Variants in CNBD2 observed in about 807,000 individuals in gnomAD.
CNBD2 encodes cyclic nucleotide-binding domain-containing protein 2.
CNBD2 carries 64 observed loss-of-function variants against 63.7 expected under a neutral mutation model. The ratio of observed to expected loss-of-function variants is 1.00; its 90% CI spans 0.82 to 1.24. CNBD2 has a LOEUF of 1.24. Among genes scored for constraint, CNBD2 ranks in the 50% most tolerant of loss-of-function variants. CNBD2 has a pLI of 0.00. For synonymous variants in CNBD2, 229 were observed against 255.4 expected (o/e 0.90, Z 0.99); for missense variants, 691 against 713.5 (o/e 0.97, Z 0.36).
intron 2 of CNBD2, among the ~76,000 whole-genome samples, chr20:35,975,456 A>T (rs1285808328): frequency 1.0e-5 from 1 of 96,022 alleles, no homozygotes; most frequent in African/African-American, 4.6e-5. Context: ...GCCCGCTACC[A>T]CGCCCGGCTA....
rs770852838 is a variant in CNBD2 at position 35,995,056 on chromosome 20, C to A, written c.874C>A (p.Arg292=). ...FISKGSCEVL[R]LLDLGASPSY... ...TGTTCAGGGCAGCTGTGAAGTCCTG[C>A]GGCTGTTGGACCTTGGGGCCTCCCC... The change falls in exon 8 of 12, where the codon CGG becomes AGG. Residue 292 remains arginine, a synonymous_variant. Transcript: ENST00000373973. 1.8e-5 allele frequency: 29 copies of A among 1,613,856 alleles called. No homozygotes were observed. Among genetic ancestry groups the A allele is most frequent in the Non-Finnish European group, 2.5e-5 (29 of 1,179,854 alleles).
chr20:35,957,675 T>C (rs2056270438), downstream of CNBD2: 1 of 152,250 alleles, frequency 6.6e-6, no homozygotes, highest in Non-Finnish European at 1.5e-5. Context: ...AGTCCCAGAT[T>C]AAGCTTAAAA....
At chr20:35,990,385 C>G (rs1037549473) in intron 7 of CNBD2, among the ~76,000 whole-genome samples, 1 of 152,230 alleles carries the variant, frequency 6.6e-6, no homozygotes, top group African/African-American at 2.4e-5. Flanking sequence ...AATCCTAGCA[C>G]TTTGGAAGGC....
chr20:36,023,849 A>T, intron 11 of CNBD2, 78 bp downstream of exon 11: 1 of 1,277,398 alleles, frequency 7.8e-7, no homozygotes, highest in South Asian at 1.5e-5. Context: ...AAAAGAAGGA[A>T]AAATATAATA....
At chr20:36,007,950 C>T (rs1188761024) in intron 8 of CNBD2, among the ~76,000 whole-genome samples, 3 of 152,052 alleles carry the variant, frequency 2.0e-5, no homozygotes, top group East Asian at 1.9e-4. Context: ...GTTTGAAGGC[C>T]GGGATAAATA....
At position 35,995,080 on chromosome 20, in the gene CNBD2, C is replaced by T; in HGVS notation, c.898C>T (p.Pro300Ser). The T allele has an allele frequency of 6.2e-7, 1 of 1,614,112 alleles. No homozygotes were observed. ...GCGGCTGTTGGACCTTGGGGCCTCC[C>T]CTTCCTACCGTAGATGGATCTGGCA... ...VLRLLDLGAS[P>S]SYRRWIWQHL... Residue 300 changes from proline to serine, a missense_variant, in exon 8 of 12, where the codon CCT becomes TCT. Transcript: ENST00000373973.
chr20:35,996,630 C>A (rs562748493), intron 8 of CNBD2, among the ~76,000 whole-genome samples: 8 of 151,682 alleles, frequency 5.3e-5, no homozygotes, highest in Non-Finnish European at 8.8e-5. Context: ...GCCTCAGCAT[C>A]CCGAGCAGCT....
rs971399461 is a variant in CNBD2, at chr20:35,984,633, G to T, written c.571G>T (p.Asp191Tyr). 3 of 1,614,028 alleles carry T rather than the reference G, an allele frequency of 1.9e-6. No homozygotes were observed. In the African/African-American group the frequency reaches 4.0e-5, roughly 22 times the overall value. The change falls in exon 6 of 12, where the codon GAC becomes TAC. Residue 191 changes from aspartate (D) to tyrosine (Y), a missense_variant. Coordinates refer to ENST00000373973, the MANE Select transcript of CNBD2 (RefSeq NM_001365709.1). The stretch of plus-strand genomic sequence containing the variant: ...TGCCCTGTCCACCCAACAGGAAATG[G>T]ACGTTCTGCATGCTTCAGTGAGGAG... ...LHKGSCFGEM[D>Y]VLHASVRRST...
chr20:36,018,049 C>T (rs926518418), intron 10 of CNBD2, among the ~76,000 whole-genome samples: 2 of 152,244 alleles, frequency 1.3e-5, no homozygotes, highest in East Asian at 1.9e-4. Context: ...ATATGCCCCA[C>T]GCCCAGTTTC....
chr20:35,976,364 C>A (rs774241770), intron 3 of CNBD2, among the ~76,000 whole-genome samples: 2 of 152,154 alleles, frequency 1.3e-5, no homozygotes, highest in Non-Finnish European at 2.9e-5. Context: ...AAAGGGCTGA[C>A]CTGTGTGAAT....
chr20:35,980,746 C>T, intron 4 of CNBD2, 124 bp downstream of exon 4: 2 of 846,784 alleles, frequency 2.4e-6, no homozygotes, highest in Non-Finnish European at 3.6e-6. Flanking sequence ...ATGAAGTCTT[C>T]TGTCCATTCA....
intron 10 of CNBD2, among the ~76,000 whole-genome samples, chr20:36,015,851 G>A (rs985670970): frequency 2.0e-5 from 3 of 152,192 alleles, no homozygotes; most frequent in African/African-American, 7.2e-5. Flanking sequence ...AATTTATGTA[G>A]ATACTCTGTC....
chr20:35,966,326 C>A (rs1161374312), upstream of CNBD2, among the ~76,000 whole-genome samples: 1 of 152,126 alleles, frequency 6.6e-6, no homozygotes, highest in African/African-American at 2.4e-5. Flanking sequence ...CCAAGAGTGG[C>A]CTTTGTCTTT....
chr20:35,975,141 A>G (rs1388929069), intron 2 of CNBD2, among the ~76,000 whole-genome samples: 1 of 133,892 alleles, frequency 7.5e-6, no homozygotes, highest in African/African-American at 3.0e-5. Context: ...AGCTGGGACT[A>G]CAGGCGCCCG....
Position 35,995,110 on chromosome 20 carries a change from C to G in CNBD2, c.928C>G (p.Leu310Val). The G allele has an allele frequency of 1.2e-6, 2 of 1,614,080 alleles. No individual in the cohort carries two copies. Among genetic ancestry groups the G allele is most frequent in the Non-Finnish European group, 1.7e-6 (2 of 1,179,976 alleles). ...CTACCGTAGATGGATCTGGCAGCAC[C>G]TGGAGCTGATAGATGGCAGACCTCT... is the stretch of plus-strand genomic sequence containing the variant. Reference protein sequence around the residue: ...PSYRRWIWQHLELIDGRPLKT... With the variant: ...PSYRRWIWQHVELIDGRPLKT... Residue 310 changes from leucine to valine, a missense_variant, in exon 8 of 12, where the codon CTG becomes GTG. Leu to Val is a conservative substitution (Grantham distance 32). Transcript: ENST00000373973.
At chr20:35,966,112 CT>C (rs1229634190), upstream of CNBD2, among the ~76,000 whole-genome samples, 1 of 152,186 alleles carries the variant, frequency 6.6e-6, no homozygotes, top group Non-Finnish European at 1.5e-5. Flanking sequence ...GCCCCCTACA[CT>C]TTTGAAGGGG....
At position 35,972,701 on chromosome 20, in the gene CNBD2, G is replaced by T; in HGVS notation, c.124G>T (p.Gly42Ter). 6.2e-7 allele frequency: 1 copy of T among 1,613,980 alleles called. No homozygotes were observed. The highest frequency in any genetic ancestry group is 1.3e-5 in the African/African-American group (1 of 74,992). Residue 42 changes from glycine (G) to a stop codon, truncating the protein, a stop_gained, in exon 2 of 12, where the codon GGA becomes TGA. Coordinates refer to ENST00000373973, the MANE Select transcript of CNBD2 (RefSeq NM_001365709.1). LOFTEE classifies it high-confidence loss of function. ...TAAAATGTTCCGCCAAGGCCTCAGG[G>T]GATTCCGGGAATATCAAATCATTGA... ...VCKMFRQGLR[G>*]FREYQIIETA...
Position 35,968,808 on chromosome 20 carries a change from G to T in CNBD2, c.46G>T (p.Glu16Ter). The change falls in exon 1 of 12, where the codon GAA (glutamate) becomes TAA (stop). Residue 16 changes from glutamate to a stop codon, truncating the protein, a stop_gained. Coordinates refer to ENST00000373973, the MANE Select transcript of CNBD2 (RefSeq NM_001365709.1). LOFTEE classifies it high-confidence loss of function. ...TTATGCCTGGCAGCTCCTGAAGAAG[G>T]AACTGGTGAGGAGGGGCAAGGGCCC... ...VTYAWQLLKKELGLYQLAMDI... is the reference protein window; with the variant it reads ...VTYAWQLLKK The T allele has an allele frequency of 1.2e-6, 2 of 1,607,344 alleles. No homozygotes were observed. Among genetic ancestry groups the T allele is most frequent in the South Asian group, 1.1e-5 (1 of 88,992 alleles).
chr20:36,000,939 G>A (rs1482575080), intron 8 of CNBD2, among the ~76,000 whole-genome samples: 3 of 150,130 alleles, frequency 2.0e-5, no homozygotes, highest in Non-Finnish European at 4.4e-5. Context: ...ATTAGGGAGT[G>A]GTGATGACTC....
Sources: allele counts gnomAD v4.1 joint callset (sites outside exome capture counted in the v4.1 genomes callset), GRCh38; gene constraint gnomAD v4.1.1; transcripts MANE v1.5; gene names NCBI Gene and HGNC (gene_info 2026-07-23, HGNC 2026-07-21).